The following DNAJC27 variants were observed in gnomAD, a reference collection of about 807,000 sequenced individuals.
DNAJC27 encodes the protein dnaJ homolog subfamily C member 27.
DNAJC27 carries 25 observed loss-of-function variants against 31.4 expected under a neutral mutation model. That is an observed-to-expected ratio of 0.80 (90% CI 0.58 to 1.11). The LOEUF (loss-of-function observed/expected upper bound fraction) is 1.11. DNAJC27 is among the 50% of genes most tolerant of loss of function. The pLI, the probability that DNAJC27 is intolerant of heterozygous loss-of-function variation, is 0.00. For synonymous variants in DNAJC27, 106 were observed against 112.7 expected (o/e 0.94, Z 0.37); for missense variants, 356 against 347.3 (o/e 1.02, Z -0.20).
chr2:24,967,029 G>C (rs1361419136), intron 2 of DNAJC27, among the ~76,000 whole-genome samples, 182 bp downstream of exon 2: 1 of 152,180 alleles, frequency 6.6e-6, no homozygotes, highest in Non-Finnish European at 1.5e-5. Context: ...CAATACACAG[G>C]CTGAATGAAT....
chr2:24,954,760 AC>A (rs1456453254), intron 5 of DNAJC27, among the ~76,000 whole-genome samples: 3 of 152,152 alleles, frequency 2.0e-5, no homozygotes, highest in Non-Finnish European at 2.9e-5. Context: ...ACTCGGTGAA[AC>A]CCTGTCTCTA....
intron 5 of DNAJC27, among the ~76,000 whole-genome samples, chr2:24,955,160 A>G (rs1034975923): frequency 2.0e-5 from 3 of 152,234 alleles, no homozygotes; most frequent in African/African-American, 7.2e-5. Flanking sequence ...CAGCTATTAT[A>G]AATATTTCAA....
chr2:24,957,397 G>C (rs190847156), intron 4 of DNAJC27, among the ~76,000 whole-genome samples: 4 of 152,276 alleles, frequency 2.6e-5, no homozygotes, highest in Non-Finnish European at 1.5e-5. Context: ...TGTCCCACCT[G>C]ATCCCTTGGG....
At chr2:24,964,518 G>C (rs912205611) in intron 2 of DNAJC27, among the ~76,000 whole-genome samples, 2 of 152,086 alleles carry the variant, frequency 1.3e-5, no homozygotes, top group Admixed American at 6.5e-5. Context: ...GGTAGAGAGG[G>C]AGAGAGATGT....
chr2:24,971,912 G>A lies in DNAJC27; in HGVS notation c.-8C>T, dbSNP rs1666354380. 2 of 1,575,808 alleles carry A rather than the reference G, an allele frequency of 1.3e-6. No individual in the cohort carries two copies. The highest frequency in any genetic ancestry group is 8.6e-7 in the Non-Finnish European group (1 of 1,163,708). On this transcript the variant is annotated 5_prime_UTR_variant, in exon 1 of 7. Coordinates refer to ENST00000264711, the MANE Select transcript of DNAJC27 (RefSeq NM_016544.3). ...CGGCATGTTGGCCTCCATGGCCCTG[G>A]CTCTCTCGGGGCCACCCGCCTCGGT... is the stretch of plus-strand genomic sequence containing the variant.
Position 24,945,188 on chromosome 2 carries a change from A to G in DNAJC27, c.*2428T>C, listed in dbSNP as rs1050114650. 2.0e-5 allele frequency: 3 copies of G among 152,324 alleles called. No individual in the cohort carries two copies. The highest frequency in any genetic ancestry group is 2.0e-4 in the Admixed American group (3 of 15,304). The allele number at this position is 152,324 out of a possible 1,614,324, so 9.4% of individuals were successfully genotyped here. On this transcript the variant is annotated 3_prime_UTR_variant, in exon 7 of 7. Coordinates refer to ENST00000264711, the MANE Select transcript of DNAJC27 (RefSeq NM_016544.3). ...TTATTTCTTAATATTCTGCTGAAGG[A>G]TTATAGAAATCAGAAAAATTCTAGG...
intron 4 of DNAJC27, 143 bp downstream of exon 4, chr2:24,957,667 T>C: frequency 1.2e-6 from 1 of 826,872 alleles, no homozygotes; most frequent in South Asian, 1.9e-5. Context: ...TTGTTTTGTT[T>C]TTGTCTTAGG....
chr2:24,950,820 C>T (rs557755599), intron 6 of DNAJC27, among the ~76,000 whole-genome samples: 5 of 151,000 alleles, frequency 3.3e-5, no homozygotes, highest in East Asian at 3.9e-4. Context: ...GCACTCCAGC[C>T]GGGGTGATAA....
At chr2:24,948,554 A>G (rs1665698303) in intron 6 of DNAJC27, among the ~76,000 whole-genome samples, 1 of 152,204 alleles carries the variant, frequency 6.6e-6, no homozygotes, top group African/African-American at 2.4e-5. Context: ...TCACGAGACC[A>G]AAGAAGAAAC....
At chr2:24,967,751 G>A (rs572441915) in intron 1 of DNAJC27, among the ~76,000 whole-genome samples, 65 of 150,182 alleles carry the variant, frequency 4.3e-4, no homozygotes, top group Non-Finnish European at 4.4e-5. Context: ...AGTGTTAAAA[G>A]ATTTTAAGAA....
intron 1 of DNAJC27, chr2:24,971,570 A>G (rs1466280873): frequency 1.6e-5 from 6 of 373,668 alleles, no homozygotes; most frequent in Non-Finnish European, 4.9e-6. Context: ...TTGGGGGTAC[A>G]TTCAAGGCTT....
intron 6 of DNAJC27, 29 bp from the exon 7 acceptor site, chr2:24,947,777 G>A (rs991339608): frequency 6.2e-7 from 1 of 1,601,026 alleles, no homozygotes; most frequent in Non-Finnish European, 8.5e-7. Context: ...ATCTATGTTA[G>A]TAACAGAGTC....
At position 24,959,859 on chromosome 2, in the gene DNAJC27, G is replaced by A. The variant is rs1290667885; in HGVS notation, c.241-1885C>T. Among the ~76,000 whole-genome samples the A allele has an allele frequency of 5.9e-5, 9 of 152,210 alleles. No individual in the cohort carries two copies. The East Asian group carries it at 1.7e-3, about 29-fold the overall frequency. On this transcript the variant is annotated intron_variant, in intron 3 of 6. Coordinates refer to ENST00000264711, the MANE Select transcript of DNAJC27 (RefSeq NM_016544.3). ...TACTTTCATAGTGCCATCACTTCCT[G>A]CCCAGTTTTACAGTTAGTAGCATAT...
intron 4 of DNAJC27, 117 bp from the exon 5 acceptor site, chr2:24,957,282 T>A: frequency 8.9e-7 from 1 of 1,122,854 alleles, no homozygotes; most frequent in Non-Finnish European, 1.2e-6. Flanking sequence ...AGTAAATGCC[T>A]GCACTAGTGT....
chr2:24,957,664 G>T, intron 4 of DNAJC27, 146 bp downstream of exon 4: 3 of 798,230 alleles, frequency 3.8e-6, no homozygotes, highest in East Asian at 2.7e-5. Context: ...GTGTTGTTTT[G>T]TTTTTGTCTT....
chr2:24,957,455 C>G (rs1665934578), intron 4 of DNAJC27, among the ~76,000 whole-genome samples: 1 of 152,190 alleles, frequency 6.6e-6, no homozygotes, highest in African/African-American at 2.4e-5. Context: ...ATGACATCTG[C>G]CATACCCTTG....
chr2:24,950,399 A>G (rs1665739768), intron 6 of DNAJC27, among the ~76,000 whole-genome samples: 1 of 152,224 alleles, frequency 6.6e-6, no homozygotes, highest in South Asian at 2.1e-4. Flanking sequence ...CGCATATTGT[A>G]CTACACTACA....
In DNAJC27 at chr2:24,943,776, A is replaced by G. The variant is rs1362704635; in HGVS notation, c.*3840T>C. 6.5e-6 allele frequency: 1 copy of G among 152,788 alleles called. No individual in the cohort carries two copies. Among genetic ancestry groups the G allele is most frequent in the South Asian group, 2.1e-4 (1 of 4,828 alleles). 9.5% of individuals were successfully genotyped at this position (152,788 alleles called of 1,614,324 possible). ...GAAAATATGTAAATTACCTTGTAAG[A>G]GCAAAGAGTTCATTTATAGACTCTG... On this transcript the variant is annotated 3_prime_UTR_variant, in exon 7 of 7. Transcript: ENST00000264711.
At chr2:24,957,240 T>C in intron 4 of DNAJC27, 75 bp from the exon 5 acceptor site, 4 of 1,467,936 alleles carry the variant, frequency 2.7e-6, no homozygotes, top group Middle Eastern at 1.8e-4. Flanking sequence ...TGAGGGTCTC[T>C]GTCAATCCTT....
Sources: gnomAD v4.1 joint callset for allele counts (sites outside exome capture counted in the v4.1 genomes callset) on GRCh38, gnomAD v4.1.1 for gene constraint, MANE v1.5 for transcripts, NCBI Gene and HGNC (gene_info 2026-07-23, HGNC 2026-07-21) for gene names.